Variants in MLH3 observed in about 807,000 individuals in gnomAD.
The protein encoded by MLH3 is mutL homolog 3.
MLH3 carries 82 observed loss-of-function variants against 122.2 expected under a neutral mutation model. That is an observed-to-expected ratio of 0.67 (90% CI 0.56 to 0.81). MLH3 has a LOEUF of 0.81. MLH3 is among the 30% of genes least tolerant of loss of function. The pLI, the probability that MLH3 is intolerant of heterozygous loss-of-function variation, is 0.00. For synonymous variants in MLH3, 524 were observed against 599.5 expected, an observed-to-expected ratio of 0.87 and a Z score of 1.84; for missense variants, 1,539 against 1,714.5, an observed-to-expected ratio of 0.90 and a Z score of 1.81.
intron 2 of MLH3, among the ~76,000 whole-genome samples, chr14:75,043,878 T>C (rs1014041967): frequency 1.3e-5 from 2 of 151,968 alleles, no homozygotes; most frequent in Non-Finnish European, 2.9e-5. Context: ...TCACCTGAGG[T>C]TGGGAGTTTG....
At chr14:75,038,493 AT>A in intron 5 of MLH3, 81 bp from the exon 6 acceptor site, 1 of 957,898 alleles carries the variant, frequency 1.0e-6, no homozygotes, top group Non-Finnish European at 1.7e-6. Flanking sequence ...ACAGAACTGT[AT>A]TTTATTTAGA....
Position 75,014,539 on chromosome 14 carries a change from G to C in MLH3, c.*2543C>G, listed in dbSNP as rs1352830434. ...TAGCTGTGACTCTGTGATACCTAAC[G>C]CCAGAAGAAGCTACTATATTCTATC... On this transcript the variant is annotated 3_prime_UTR_variant, in exon 13 of 13. Coordinates refer to ENST00000355774, the MANE Select transcript of MLH3 (RefSeq NM_001040108.2). 3 of 198,316 alleles carry C rather than the reference G, an allele frequency of 1.5e-5. No individual in the cohort carries two copies. Among genetic ancestry groups the C allele is most frequent in the African/African-American group, 6.9e-5 (3 of 43,356 alleles). 12.3% of individuals were successfully genotyped at this position (198,316 alleles called of 1,614,324 possible). A position where few individuals can be genotyped will look rare whatever the true frequency, so the allele number is the denominator to read the frequency against.
chr14:75,014,224 T>C lies in MLH3; in HGVS notation c.*2858A>G, dbSNP rs1889786039. 5.9e-6 allele frequency: 1 copy of C among 170,602 alleles called. No individual in the cohort carries two copies. Among genetic ancestry groups the C allele is most frequent in the Non-Finnish European group, 1.3e-5 (1 of 78,794 alleles). 10.6% of individuals were successfully genotyped at this position (170,602 alleles called of 1,614,324 possible). On this transcript the variant is annotated 3_prime_UTR_variant, in exon 13 of 13. Transcript: ENST00000355774. ...CCCCTTTCTGCTCTGACCATTTTGC[T>C]TGCCTGGGTTTTTTCACTGTCTGCC...
chr14:75,022,261 G>A lies in MLH3; in HGVS notation c.4090+553C>T, dbSNP rs1890331556. ...AATAATCTGTACACCAAACCCCTGC[G>A]ACATGCAACTCACCCATGTTACAAA... On this transcript the variant is annotated intron_variant, in intron 11 of 12. Transcript: ENST00000355774. Among the ~76,000 whole-genome samples the A allele has an allele frequency of 2.0e-5, 3 of 152,166 alleles. No individual in the cohort carries two copies. The South Asian group carries it at 6.2e-4, about 31-fold the overall frequency.
intron 11 of MLH3, 64 bp from the exon 12 acceptor site, chr14:75,019,044 G>A: frequency 7.1e-7 from 1 of 1,409,568 alleles, no homozygotes; most frequent in Non-Finnish European, 1.0e-6. Flanking sequence ...GCTGACCTTG[G>A]GTCACTGCCA....
chr14:75,034,191 TAAAA>T (rs11296642), intron 6 of MLH3, among the ~76,000 whole-genome samples: 1 of 143,662 alleles, frequency 7.0e-6, no homozygotes, highest in Non-Finnish European at 1.5e-5. Context: ...GACTCCATCT[TAAAA>T]AAAAAAAAAA....
At chr14:75,027,690 A>AC (rs1566580561) in intron 9 of MLH3, among the ~76,000 whole-genome samples, 1 of 149,872 alleles carries the variant, frequency 6.7e-6, no homozygotes, top group Non-Finnish European at 1.5e-5. Flanking sequence ...AAAAAAAAAA[A>AC]AAAACCCAAA....
chr14:75,041,660 A>G lies in MLH3; in HGVS notation c.3420T>C (p.Ser1140=), dbSNP rs1164302359. 1 of 1,614,130 alleles carries G rather than the reference A, an allele frequency of 6.2e-7. No individual in the cohort carries two copies. Among genetic ancestry groups the G allele is most frequent in the Admixed American group, 1.7e-5 (1 of 60,028 alleles). Residue 1140 remains serine, a synonymous_variant, in exon 4 of 13, where the codon TCT becomes TCC. Transcript: ENST00000355774. ...DDTVSSESLQ[S]LFSEWDNPVF... The stretch of plus-strand genomic sequence containing the variant: ...CTGGATTGTCCCATTCTGAGAACAA[A>G]GACTGAAGCGATTCGCTACTAACAG...
Position 75,048,417 on chromosome 14 carries a change from T to C in MLH3, c.1239A>G (p.Arg413=). The C allele has an allele frequency of 6.2e-7, 1 of 1,607,940 alleles. No homozygotes were observed. Among genetic ancestry groups the C allele is most frequent in the African/African-American group, 1.3e-5 (1 of 74,574 alleles). The part of the protein sequence containing the change: ...MFNLQSKAVK[R]KTTAENVNTQ... ...TGTTTACGTTTTCTGCAGTAGTTTT[T>C]CTTTTCACAGCTTTTGACTGCAAAT... The change falls in exon 2 of 13, where the codon AGA becomes AGG. Residue 413 remains arginine (R), a synonymous_variant. Transcript: ENST00000355774.
At chr14:75,034,592 T>C (rs902621494) in intron 6 of MLH3, among the ~76,000 whole-genome samples, 14 of 152,190 alleles carry the variant, frequency 9.2e-5, no homozygotes, top group African/African-American at 3.4e-4. Flanking sequence ...ATAATTTTAA[T>C]GTGTCAAGAA....
rs765909949 is a variant in MLH3, at chr14:75,017,167, G to A, written c.4277C>T (p.Ala1426Val). The change falls in exon 13 of 13, where the codon GCC becomes GTC. Residue 1426 changes from alanine (A) to valine (V), a missense_variant. Coordinates refer to ENST00000355774, the MANE Select transcript of MLH3 (RefSeq NM_001040108.2). ...KPNLTKLRKMAQAWRLFGKAE... is the reference protein window; with the variant it reads ...KPNLTKLRKMVQAWRLFGKAE... ...TTTTCCAAAGAGACGCCAGGCCTGG[G>A]CCATTTTGCGAAGTTTAGTGAGGTT... is the stretch of plus-strand genomic sequence containing the variant. 5 of 1,612,418 alleles carry A rather than the reference G, an allele frequency of 3.1e-6. No individual in the cohort carries two copies. The East Asian group carries it at 8.9e-5, about 29-fold the overall frequency.
At chr14:75,040,613 A>G (rs974415044) in intron 4 of MLH3, among the ~76,000 whole-genome samples, 2 of 152,134 alleles carry the variant, frequency 1.3e-5, no homozygotes, top group African/African-American at 2.4e-5. Flanking sequence ...TCCTCAAATG[A>G]TATCTTGAGG....
In MLH3 at chr14:75,017,102, G is replaced by T. The variant is rs1184173977; in HGVS notation, c.4342C>A (p.Pro1448Thr). 2 of 1,613,504 alleles carry T rather than the reference G, an allele frequency of 1.2e-6. No individual in the cohort carries two copies. The highest frequency in any genetic ancestry group is 1.7e-6 in the Non-Finnish European group (2 of 1,179,880). ...DTRQSLQQSM[P>T]PCEPP Reference sequence around the variant, plus strand: ...TGTTCTCATGGTGGCTCACAGGGAGGCATGGATTGCTGCAGGCTCTGCCTT... The same window carrying T: ...TGTTCTCATGGTGGCTCACAGGGAGTCATGGATTGCTGCAGGCTCTGCCTT... The change falls in exon 13 of 13, where the codon CCT (proline) becomes ACT (threonine). Residue 1448 changes from proline (P) to threonine (T), a missense_variant. Transcript: ENST00000355774.
intron 9 of MLH3, among the ~76,000 whole-genome samples, chr14:75,025,460 G>C (rs980257628): frequency 2.0e-5 from 3 of 151,970 alleles, no homozygotes; most frequent in African/African-American, 7.3e-5. Flanking sequence ...CTTTTTCCTG[G>C]TTTTCCTCCT....
chr14:75,029,133 CAAA>C (rs764907881), intron 9 of MLH3, among the ~76,000 whole-genome samples: 6 of 76,258 alleles, frequency 7.9e-5, no homozygotes, highest in Admixed American at 5.1e-4. Flanking sequence ...CTGGGCATCG[CAAA>C]AAAAAAAAAA....
chr14:75,040,449 C>CAAAAAAA lies in MLH3; in HGVS notation c.3466-441_3466-435dup, dbSNP rs36233766. On this transcript the variant is annotated intron_variant, in intron 4 of 12. Transcript: ENST00000355774. The stretch of plus-strand genomic sequence containing the variant: ...TGGGCGACACAGCAAGACTCTGTCA[C>CAAAAAAA]AAAAAAAAAAAAAAAAAAAAAAAAA... Among the ~76,000 whole-genome samples the CAAAAAAA allele has an allele frequency of 2.0e-3, 70 of 35,610 alleles. 7 individuals carry two copies. Among genetic ancestry groups the CAAAAAAA allele is most frequent in the Non-Finnish European group, 2.6e-3 (52 of 20,004 alleles). 23.4% of individuals were successfully genotyped at this position (35,610 alleles called of 152,430 possible). A position where few individuals can be genotyped will look rare whatever the true frequency, so the allele number is the denominator to read the frequency against.
chr14:75,029,984 C>CA (rs35978930), intron 9 of MLH3, among the ~76,000 whole-genome samples: 102 of 141,098 alleles, frequency 7.2e-4, no homozygotes, highest in East Asian at 2.8e-3. Flanking sequence ...CCCATCTCTA[C>CA]AAAAAAAAAA....
Position 75,046,810 on chromosome 14 carries a change from T to G in MLH3, c.2846A>C (p.Lys949Thr), listed in dbSNP as rs766819210. 3 of 1,614,040 alleles carry G rather than the reference T, an allele frequency of 1.9e-6. No homozygotes were observed. The East Asian group carries it at 6.7e-5, about 36-fold the overall frequency. The part of the protein sequence containing the change: ...DSATQDNSFN[K>T]NSKTHSNSNT... ...GCTGTTAGAATGTGTTTTACTATTT[T>G]TATTAAAGGAATTATCCTGTGTGGC... Residue 949 changes from lysine (K) to threonine (T), a missense_variant, in exon 2 of 13, where the codon AAA (lysine) becomes ACA (threonine). Transcript: ENST00000355774.
At position 75,049,333 on chromosome 14, in the gene MLH3, T is replaced by G. The variant is rs1383028488; in HGVS notation, c.323A>C (p.Glu108Ala). ...ANIADMASAV[E>A]ISSKKNRTMK... ...TGTCCTGTTTTTCTTGGACGAAATT[T>G]CCACAGCACTGGCCATGTCAGCAAT... The change falls in exon 2 of 13, where the codon GAA becomes GCA. Residue 108 changes from glutamate to alanine, a missense_variant. Coordinates refer to ENST00000355774, the MANE Select transcript of MLH3 (RefSeq NM_001040108.2). The G allele has an allele frequency of 6.2e-7, 1 of 1,614,174 alleles. No homozygotes were observed. Among genetic ancestry groups the G allele is most frequent in the Non-Finnish European group, 8.5e-7 (1 of 1,180,038 alleles).
Sources: allele counts gnomAD v4.1 joint callset (sites outside exome capture counted in the v4.1 genomes callset), GRCh38; gene constraint gnomAD v4.1.1; transcripts MANE v1.5; gene names NCBI Gene and HGNC (gene_info 2026-07-23, HGNC 2026-07-21).